Variants in TENM1 observed in about 807,000 individuals in gnomAD.
TENM1 encodes teneurin-1.
In TENM1, 35 loss-of-function variants were observed where a neutral mutation model predicts 174.8. The ratio of observed to expected loss-of-function variants is 0.20; its 90% confidence interval spans 0.15 to 0.27. The LOEUF (loss-of-function observed/expected upper bound fraction) is 0.27. Ranked by LOEUF, TENM1 falls within the 10% of genes least tolerant of loss-of-function variation. The pLI is 1.00. For missense variants in TENM1, 1,633 were observed against 2,130.1 expected, an observed-to-expected ratio of 0.77 and a Z score of 4.59; for synonymous variants, 781 against 798.7, an observed-to-expected ratio of 0.98 and a Z score of 0.37.
chrX:124,755,469 G>C (rs1198719929), intron 3 of TENM1, among the ~76,000 whole-genome samples: 1 of 110,730 alleles, frequency 9.0e-6, no homozygotes, highest in Non-Finnish European at 1.9e-5. Flanking sequence ...CTTTTAGTTG[G>C]AGCATTTAGT....
intron 3 of TENM1, among the ~76,000 whole-genome samples, chrX:124,747,705 A>G (rs974059581): frequency 6.4e-5 from 7 of 109,808 alleles, no homozygotes; most frequent in African/African-American, 2.0e-4. Flanking sequence ...TACATTACTT[A>G]TGTGAAACAG....
the TENM1 span, among the ~76,000 whole-genome samples, chrX:124,991,526 CAG>C: frequency 4.6e-5 from 5 of 108,064 alleles, no homozygotes; most frequent in Non-Finnish European, 9.7e-5. Flanking sequence ...CAGAGAGAGA[CAG>C]AGAGAGAGAG....
chrX:124,761,491 G>A (rs1316509227), intron 3 of TENM1, among the ~76,000 whole-genome samples: 4 of 93,238 alleles, frequency 4.3e-5, no homozygotes, highest in African/African-American at 1.2e-4. Flanking sequence ...GGAATTGAAC[G>A]ACGAGAACAA....
At chrX:124,584,274 G>A (rs1172551722) in intron 11 of TENM1, among the ~76,000 whole-genome samples, 16 of 109,154 alleles carry the variant, frequency 1.5e-4, no homozygotes, top group Non-Finnish European at 2.9e-4. Context: ...AATGTTAAGG[G>A]CAGCCAGAGA....
intron 1 of TENM1, among the ~76,000 whole-genome samples, chrX:124,932,312 T>C (rs1309126833): frequency 2.7e-5 from 3 of 112,429 alleles, no homozygotes; most frequent in Non-Finnish European, 5.6e-5. Context: ...ATTTTAAATG[T>C]AATTCATGCA....
At chrX:124,807,674 A>G (rs2055639370) in intron 3 of TENM1, among the ~76,000 whole-genome samples, 2 of 110,875 alleles carry the variant, frequency 1.8e-5, no homozygotes, top group Non-Finnish European at 3.8e-5. Context: ...GGTGACATTA[A>G]AAAATCAAAA....
the TENM1 span, among the ~76,000 whole-genome samples, chrX:125,025,719 G>C: frequency 4.5e-5 from 5 of 111,507 alleles, no homozygotes; most frequent in Non-Finnish European, 9.4e-5. Flanking sequence ...TAAGCTCTTG[G>C]TAAGAGACCT....
At chrX:125,122,503 A>G in the TENM1 span, among the ~76,000 whole-genome samples, 2 of 111,862 alleles carry the variant, frequency 1.8e-5, no homozygotes, top group Non-Finnish European at 3.8e-5. Flanking sequence ...TTTAAAATCA[A>G]TTTCTGGGTC....
At chrX:124,897,065 A>G (rs1208541681) in intron 1 of TENM1, among the ~76,000 whole-genome samples, 2 of 111,605 alleles carry the variant, frequency 1.8e-5, no homozygotes, top group African/African-American at 6.5e-5. Context: ...CTCACATCAG[A>G]TAGCAACAGA....
At chrX:125,192,180 G>C in the TENM1 span, among the ~76,000 whole-genome samples, 1 of 110,648 alleles carries the variant, frequency 9.0e-6, no homozygotes, top group Non-Finnish European at 1.9e-5. Context: ...AATCATTTTA[G>C]ACAGATAAAA....
At chrX:124,430,942 C>G (rs761607688) in intron 23 of TENM1, among the ~76,000 whole-genome samples, 1 of 111,711 alleles carries the variant, frequency 9.0e-6, no homozygotes, top group South Asian at 3.8e-4. Context: ...TTTCTTCTGT[C>G]AATAAATGTC....
intron 11 of TENM1, among the ~76,000 whole-genome samples, chrX:124,640,136 C>T (rs1013138720): frequency 1.8e-5 from 2 of 110,376 alleles, no homozygotes; most frequent in African/African-American, 6.6e-5. Flanking sequence ...TATCTATATC[C>T]TATACCTAAG....
Position 124,473,114 on chromosome X carries a change from T to C in TENM1, c.3949+8618A>G, listed in dbSNP as rs183772373. 1.9e-4 allele frequency among the ~76,000 whole-genome samples: 21 copies of C among 111,951 alleles called. No homozygotes were observed. In the East Asian group the frequency reaches 5.6e-3, roughly 30 times the overall value. ...GAAACTGTATTTAGAAGGAACTTGC[T>C]ATTCTCATAAAACTTTCAATAGGAA... On this transcript the variant is annotated intron_variant, in intron 22 of 31. Coordinates refer to ENST00000422452, the Ensembl canonical transcript of TENM1.
At chrX:124,978,581 T>C in the TENM1 span, among the ~76,000 whole-genome samples, 2 of 112,016 alleles carry the variant, frequency 1.8e-5, no homozygotes, top group African/African-American at 3.2e-5. Flanking sequence ...CTCTATGGTA[T>C]GTAGCTGCTG....
intron 22 of TENM1, among the ~76,000 whole-genome samples, chrX:124,480,141 G>A (rs2046811410): frequency 9.0e-6 from 1 of 111,591 alleles, no homozygotes; most frequent in South Asian, 3.7e-4. Flanking sequence ...AAGTGGGGAA[G>A]ATTCCATAAT....
the TENM1 span, among the ~76,000 whole-genome samples, chrX:125,027,505 G>A: frequency 8.9e-6 from 1 of 111,815 alleles, no homozygotes; most frequent in African/African-American, 3.2e-5. Context: ...TAAATTTGAT[G>A]CAATGCCAAA....
chrX:124,936,375 C>T (rs1211742301), intron 1 of TENM1, among the ~76,000 whole-genome samples: 1 of 111,680 alleles, frequency 9.0e-6, no homozygotes, highest in Non-Finnish European at 1.9e-5. Context: ...CTTCCTTATC[C>T]TTCTTATCTC....
intron 5 of TENM1, among the ~76,000 whole-genome samples, chrX:124,677,194 A>G (rs2148446591): frequency 9.0e-6 from 1 of 111,202 alleles, no homozygotes; most frequent in East Asian, 2.8e-4. Context: ...TACATGGTTC[A>G]CAATTATTTC....
intron 3 of TENM1, among the ~76,000 whole-genome samples, chrX:124,875,714 A>T (rs941875617): frequency 9.3e-6 from 1 of 106,972 alleles, no homozygotes; most frequent in African/African-American, 3.4e-5. Flanking sequence ...TCTCTACAAA[A>T]TTTTTTTTTA....
Sources: allele counts gnomAD v4.1 joint callset (sites outside exome capture counted in the v4.1 genomes callset), GRCh38; gene constraint gnomAD v4.1.1; transcripts MANE v1.5; gene names NCBI Gene and HGNC (gene_info 2026-07-23, HGNC 2026-07-21).